The following GRIK3 variants were observed in gnomAD, a reference collection of about 807,000 sequenced individuals.
The protein encoded by GRIK3 is glutamate receptor ionotropic, kainate 3.
Under a neutral mutation model 102.5 loss-of-function variants are expected in GRIK3, and 29 were observed. The observed-to-expected ratio is 0.28, with a 90% CI of 0.21 to 0.39. The LOEUF is 0.39. Among genes scored for constraint, GRIK3 ranks in the 10% least tolerant of loss-of-function variants. The pLI is 1.00. For synonymous variants in GRIK3, 511 were observed against 504.9 expected, an observed-to-expected ratio of 1.01 and a Z score of -0.16; for missense variants, 908 against 1,252.4, an observed-to-expected ratio of 0.73 and a Z score of 4.15.
chr1:36,844,929 C>A (rs796147012), intron 9 of GRIK3, among the ~76,000 whole-genome samples: 3 of 152,168 alleles, frequency 2.0e-5, no homozygotes, highest in Admixed American at 1.3e-4. Context: ...CCTGTCTTCA[C>A]GCCCCTCCCT....
intron 1 of GRIK3, among the ~76,000 whole-genome samples, chr1:37,027,904 G>T (rs1032966124): frequency 1.3e-5 from 2 of 152,130 alleles, no homozygotes; most frequent in Non-Finnish European, 2.9e-5. Context: ...TCTTGTAGAC[G>T]GAATGGTGGA....
chr1:36,996,738 C>A (rs180720985), intron 1 of GRIK3, among the ~76,000 whole-genome samples: 16 of 152,296 alleles, frequency 1.1e-4, no homozygotes, highest in African/African-American at 3.6e-4. Flanking sequence ...TCCCATTCTG[C>A]TAGAACTTGG....
Position 36,801,973 on chromosome 1 carries a change from G to C in GRIK3, c.2638C>G (p.Pro880Ala), listed in dbSNP as rs1227828325. The C allele has an allele frequency of 6.2e-7, 1 of 1,613,862 alleles. No homozygotes were observed. Among genetic ancestry groups the C allele is most frequent in the African/African-American group, 1.3e-5 (1 of 74,942 alleles). ...GTCTTGACCATCATGGGAGGCTGAGGCTTGTGCTTGACTCGACGCTGGCAG... is the reference window on the plus strand; with the variant it reads ...GTCTTGACCATCATGGGAGGCTGAGCCTTGTGCTTGACTCGACGCTGGCAG... ...LTCQRRVKHK[P>A]QPPMMVKTDA... The change falls in exon 16 of 16, where the codon CCT becomes GCT. Residue 880 changes from proline to alanine, a missense_variant. Physicochemically the swap from Pro to Ala is conservative, Grantham distance 27. Coordinates refer to ENST00000373091, the MANE Select transcript of GRIK3 (RefSeq NM_000831.4).
chr1:36,892,317 C>T (rs1266850574), intron 1 of GRIK3, among the ~76,000 whole-genome samples: 3 of 152,076 alleles, frequency 2.0e-5, no homozygotes, highest in Admixed American at 1.3e-4. Flanking sequence ...GCCACTGTGC[C>T]GGACTACAAT....
At chr1:36,870,607 C>T (rs1640832453) in intron 4 of GRIK3, among the ~76,000 whole-genome samples, 2 of 152,242 alleles carry the variant, frequency 1.3e-5, no homozygotes, top group African/African-American at 4.8e-5. Context: ...CAGAGAAGTC[C>T]TGCAAGAAGC....
At chr1:36,877,504 C>A (rs770368413) in intron 3 of GRIK3, among the ~76,000 whole-genome samples, 1 of 152,196 alleles carries the variant, frequency 6.6e-6, no homozygotes, top group Non-Finnish European at 1.5e-5. Flanking sequence ...TATTCTACGC[C>A]TTTGCTCAGC....
chr1:36,942,856 C>CTAA (rs769755397), intron 1 of GRIK3, among the ~76,000 whole-genome samples: 96 of 152,264 alleles, frequency 6.3e-4, no homozygotes, highest in Middle Eastern at 3.4e-3. Flanking sequence ...CAGGGAACTG[C>CTAA]TAACCCTGGG....
chr1:36,953,679 C>A (rs1227159854), intron 1 of GRIK3, among the ~76,000 whole-genome samples: 1 of 151,874 alleles, frequency 6.6e-6, no homozygotes, highest in African/African-American at 2.4e-5. Flanking sequence ...TCGGTAGGGA[C>A]CCCACAGGTT....
chr1:36,809,176 T>C (rs1460128881), intron 13 of GRIK3, among the ~76,000 whole-genome samples: 1 of 151,226 alleles, frequency 6.6e-6, no homozygotes, highest in Non-Finnish European at 1.5e-5. Context: ...CATCCATCCA[T>C]CCACCCACCC....
chr1:36,942,537 A>G (rs760349838), intron 1 of GRIK3, among the ~76,000 whole-genome samples: 10 of 152,176 alleles, frequency 6.6e-5, no homozygotes, highest in Non-Finnish European at 1.2e-4. Flanking sequence ...CCTTGCCTGC[A>G]GCTGGAGGGG....
intron 1 of GRIK3, among the ~76,000 whole-genome samples, chr1:36,922,868 A>C (rs1356344942): frequency 6.6e-6 from 1 of 152,158 alleles, no homozygotes. Context: ...CCCAGAATCC[A>C]ACAATAAAAG....
intron 11 of GRIK3, among the ~76,000 whole-genome samples, chr1:36,825,275 G>T (rs1023347804): frequency 2.0e-5 from 3 of 152,132 alleles, no homozygotes; most frequent in African/African-American, 7.2e-5. Flanking sequence ...TGCACCAGGT[G>T]CCTAGCTCAT....
At position 36,858,875 on chromosome 1, in the gene GRIK3, C is replaced by G. The variant is rs1557704847; in HGVS notation, c.1104+233G>C. Among the ~76,000 whole-genome samples, 4 of 152,330 alleles carry G rather than the reference C, an allele frequency of 2.6e-5. No individual in the cohort carries two copies. The South Asian group carries it at 6.2e-4, about 24-fold the overall frequency. Reference sequence around the variant, plus strand: ...CGCTGCATCTTGCTGGCAATGCTGACCAGCTGCTGAGCACTTACCACATGC... The same window carrying G: ...CGCTGCATCTTGCTGGCAATGCTGAGCAGCTGCTGAGCACTTACCACATGC... On this transcript the variant is annotated intron_variant, in intron 7 of 15. Transcript: ENST00000373091.
intron 1 of GRIK3, 21 bp downstream of exon 1, chr1:37,033,973 C>G (rs547399002): frequency 6.8e-7 from 1 of 1,462,588 alleles, no homozygotes; most frequent in South Asian, 1.2e-5. Flanking sequence ...ACGGAGACCC[C>G]CGGCTCCAGG....
rs879461778 is a variant in GRIK3 at position 36,801,634 on chromosome 1, T to C, written c.*217A>G. 6.9e-6 allele frequency: 3 copies of C among 431,980 alleles called. No individual in the cohort carries two copies. Among genetic ancestry groups the C allele is most frequent in the South Asian group, 6.5e-5 (1 of 15,274 alleles). The allele number at this position is 431,980 out of a possible 1,614,324, so 26.8% of individuals were successfully genotyped here. A position where few individuals can be genotyped will look rare whatever the true frequency, so the allele number is the denominator to read the frequency against. On this transcript the variant is annotated 3_prime_UTR_variant, in exon 16 of 16. Transcript: ENST00000373091. ...GCCTTGGCTATCTCGGCTGGCAGCT[T>C]TAGAAACCCACAGAAGATCTGAGGA...
intron 1 of GRIK3, among the ~76,000 whole-genome samples, chr1:36,926,603 C>A (rs937772743): frequency 5.3e-5 from 8 of 152,082 alleles, no homozygotes; most frequent in African/African-American, 1.9e-4. Context: ...ATTGGCCAGG[C>A]TGGTCTTGAA....
At position 36,859,947 on chromosome 1, in the gene GRIK3, T is replaced by C. The variant is rs1038390036; in HGVS notation, c.857A>G (p.Asn286Ser). Residue 286 changes from asparagine to serine, a missense_variant, in exon 6 of 16, where the codon AAT (asparagine) becomes AGT (serine). This residue lies in a region of GRIK3 where 585 missense variants were observed against 824.9 expected (regional missense o/e 0.71). Transcript: ENST00000373091. ...GVNLTGFRIL[N>S]VDNPHVSAIV... Reference sequence around the variant, plus strand: ...GGCCGAGACGTGTGGGTTGTCCACATTGAGAATCCGGAATCCTGTCAGGTT... The same window carrying C: ...GGCCGAGACGTGTGGGTTGTCCACACTGAGAATCCGGAATCCTGTCAGGTT... 9.9e-6 allele frequency: 16 copies of C among 1,613,384 alleles called. No individual in the cohort carries two copies. Among genetic ancestry groups the C allele is most frequent in the African/African-American group, 1.3e-5 (1 of 74,866 alleles).
At position 37,034,110 on chromosome 1, in the gene GRIK3, G is replaced by C. The variant is rs777339429; in HGVS notation, c.-2C>G. ...GAGGCGCCGCCAGGGAGCGGTCATC[G>C]TTGGGCGCCGCCGAGCGTGCCCGGG... is the stretch of plus-strand genomic sequence containing the variant. On this transcript the variant is annotated 5_prime_UTR_variant, in exon 1 of 16. Transcript: ENST00000373091. 9 of 1,528,902 alleles carry C rather than the reference G, an allele frequency of 5.9e-6. No homozygotes were observed. The East Asian group carries it at 2.0e-4, about 34-fold the overall frequency. The allele number at this position is 1,528,902 out of a possible 1,614,324, so 94.7% of individuals were successfully genotyped here. A position where few individuals can be genotyped will look rare whatever the true frequency, so the allele number is the denominator to read the frequency against.
chr1:37,013,920 G>A (rs939466866), intron 1 of GRIK3, among the ~76,000 whole-genome samples: 2 of 152,152 alleles, frequency 1.3e-5, no homozygotes, highest in African/African-American at 2.4e-5. Flanking sequence ...CACCCTCATC[G>A]AATGCCTTGC....
Sources: allele counts gnomAD v4.1 joint callset (sites outside exome capture counted in the v4.1 genomes callset), GRCh38; gene constraint gnomAD v4.1.1; regional missense constraint gnomAD v4.1.1; transcripts MANE v1.5; gene names NCBI Gene and HGNC (gene_info 2026-07-23, HGNC 2026-07-21).